The following GPAT3 variants were observed in gnomAD, a reference collection of about 807,000 sequenced individuals.
The protein encoded by GPAT3 is 1-AGP acyltransferase 9.
In GPAT3, 53 loss-of-function variants were observed where a neutral mutation model predicts 58.8. The ratio of observed to expected loss-of-function variants is 0.90; its 90% CI spans 0.72 to 1.13. The LOEUF is 1.13. GPAT3 is among the 50% of genes most tolerant of loss of function. The probability of loss-of-function intolerance (pLI) is 0.00; values close to 1 mark genes in which losing one functional copy is unlikely to be tolerated. For missense variants in GPAT3, 511 were observed against 527.6 expected (o/e 0.97, Z 0.31); for synonymous variants, 197 against 187.4 (o/e 1.05, Z -0.42).
intron 1 of GPAT3, among the ~76,000 whole-genome samples, chr4:83,537,589 A>ATGTGTGTGTGTGTG (rs1491311222): frequency 8.0e-6 from 1 of 125,392 alleles, no homozygotes; most frequent in African/African-American, 3.0e-5. Flanking sequence ...TATATGTATA[A>ATGTGTGTGTGTGTG]TATGTGTGTG....
chr4:83,561,799 T>A (rs1035278511), intron 2 of GPAT3, among the ~76,000 whole-genome samples: 3 of 150,066 alleles, frequency 2.0e-5, no homozygotes, highest in African/African-American at 7.5e-5. Flanking sequence ...TTTCCCCCCT[T>A]TTTTGGTAAA....
At chr4:83,598,208 C>G in intron 10 of GPAT3, 29 bp downstream of exon 10, 1 of 1,599,994 alleles carries the variant, frequency 6.3e-7, no homozygotes, top group Non-Finnish European at 8.5e-7. Flanking sequence ...TTTATCTAAT[C>G]AGGTAGAGGC....
chr4:83,597,234 A>G (rs1446475057), intron 8 of GPAT3, among the ~76,000 whole-genome samples, 196 bp from the exon 9 acceptor site: 1 of 152,202 alleles, frequency 6.6e-6, no homozygotes, highest in East Asian at 1.9e-4. Flanking sequence ...TAGAAAAGTA[A>G]AAGCTTGTTG....
chr4:83,576,195 T>C (rs1055990306), intron 2 of GPAT3, among the ~76,000 whole-genome samples: 2 of 152,216 alleles, frequency 1.3e-5, no homozygotes, highest in Non-Finnish European at 1.5e-5. Flanking sequence ...ATATATTCAC[T>C]GTATATATCT....
In GPAT3 at chr4:83,536,424, G is replaced by C; in HGVS notation, c.-199G>C. The C allele has an allele frequency of 7.2e-7, 1 of 1,379,754 alleles. No individual in the cohort carries two copies. The highest frequency in any genetic ancestry group is 9.4e-7 in the Non-Finnish European group (1 of 1,068,644). 85.5% of individuals were successfully genotyped at this position (1,379,754 alleles called of 1,614,324 possible). A position where few individuals can be genotyped will look rare whatever the true frequency, so the allele number is the denominator to read the frequency against. The stretch of plus-strand genomic sequence containing the variant: ...AGCGGAGAAAGAGTTAACTGGCAGG[G>C]GCGAGGAGGAGCCCAGGGAGGAAGG... On this transcript the variant is annotated 5_prime_UTR_variant, in exon 1 of 12. Coordinates refer to ENST00000264409, the MANE Select transcript of GPAT3 (RefSeq NM_032717.5).
chr4:83,578,376 T>C (rs183306108), intron 2 of GPAT3, among the ~76,000 whole-genome samples: 116 of 152,328 alleles, frequency 7.6e-4, no homozygotes, highest in African/African-American at 2.7e-3. Context: ...TTGAGTTATA[T>C]TTTATTTAAG....
At position 83,593,977 on chromosome 4, in the gene GPAT3, A is replaced by G. The variant is rs148384048; in HGVS notation, c.739-868A>G. Among the ~76,000 whole-genome samples the G allele has an allele frequency of 1.1e-3, 170 of 152,276 alleles. 1 individual carries two copies. The East Asian group carries it at 0.024, about 21-fold the overall frequency. Reference sequence around the variant, plus strand: ...TGCCACTACCTTCCATGTTCATTCCATCCCATTCCTTCCTACTCTTGTAGG... The same window carrying G: ...TGCCACTACCTTCCATGTTCATTCCGTCCCATTCCTTCCTACTCTTGTAGG... On this transcript the variant is annotated intron_variant, in intron 6 of 11. Transcript: ENST00000264409.
intron 2 of GPAT3, among the ~76,000 whole-genome samples, chr4:83,569,968 A>C (rs28504032): frequency 0.29 from 44,463 of 152,136 alleles, 7,418 homozygotes; most frequent in African/African-American, 0.45. Context: ...AATTAAAGTT[A>C]TCTTTCTTCC....
intron 2 of GPAT3, among the ~76,000 whole-genome samples, chr4:83,581,131 T>C (rs559896376): frequency 1.9e-4 from 29 of 151,936 alleles, no homozygotes; most frequent in Admixed American, 2.6e-4. Flanking sequence ...ATCAACTTTT[T>C]GCCATTTATG....
At chr4:83,539,613 G>T (rs1422188987) in intron 1 of GPAT3, among the ~76,000 whole-genome samples, 1 of 152,062 alleles carries the variant, frequency 6.6e-6, no homozygotes, top group Non-Finnish European at 1.5e-5. Flanking sequence ...TTAACCCACT[G>T]GTTCAAGTAA....
chr4:83,579,068 TTCTTTCTTTCTTC>T (rs1560621292), intron 2 of GPAT3, among the ~76,000 whole-genome samples: 502 of 39,204 alleles, frequency 0.013, 26 homozygotes, highest in Non-Finnish European at 0.017. Flanking sequence ...CTTTCTTTCT[TTCTTTCTTTCTTC>T]CCTTCCTTCC....
intron 2 of GPAT3, among the ~76,000 whole-genome samples, chr4:83,560,597 G>A (rs2110081405): frequency 6.6e-6 from 1 of 152,288 alleles, no homozygotes; most frequent in East Asian, 1.9e-4. Context: ...AGCACTCTAT[G>A]CAGAGGACAG....
intron 6 of GPAT3, among the ~76,000 whole-genome samples, chr4:83,591,361 A>G (rs1215559518): frequency 6.6e-6 from 1 of 152,184 alleles, no homozygotes. Flanking sequence ...ACATGGCCAG[A>G]TATATAACTC....
At chr4:83,559,931 G>C (rs948996015) in intron 2 of GPAT3, among the ~76,000 whole-genome samples, 2 of 152,182 alleles carry the variant, frequency 1.3e-5, no homozygotes, top group East Asian at 3.8e-4. Flanking sequence ...CTTGTGATTA[G>C]ACAGAATCCT....
At position 83,598,087 on chromosome 4, in the gene GPAT3, A is replaced by G. The variant is rs755703856; in HGVS notation, c.1033A>G (p.Ser345Gly). The G allele has an allele frequency of 5.9e-5, 95 of 1,613,530 alleles. No homozygotes were observed. Among genetic ancestry groups the G allele is most frequent in the Non-Finnish European group, 3.4e-6 (4 of 1,179,890 alleles). Residue 345 changes from serine to glycine, a missense_variant, in exon 10 of 12, where the codon AGT becomes GGT. Transcript: ENST00000264409. ...PQFGDAFWNS[S>G]KYNMVSYLLR... ...GTTCGGTGATGCATTTTGGAACAGT[A>G]GTAAATACAACATGGTGAGCTACCT... is the stretch of plus-strand genomic sequence containing the variant.
intron 11 of GPAT3, among the ~76,000 whole-genome samples, chr4:83,600,004 T>C (rs983628157): frequency 5.3e-5 from 8 of 152,306 alleles, no homozygotes; most frequent in South Asian, 2.1e-4. Context: ...GTGGTCTCTC[T>C]CTTTCTCAAA....
intron 5 of GPAT3, 47 bp downstream of exon 5, chr4:83,588,346 C>T (rs756230141): frequency 5.8e-6 from 9 of 1,544,010 alleles, no homozygotes; most frequent in Non-Finnish European, 8.0e-6. Flanking sequence ...GTCAATTCAG[C>T]ATGAGATTGA....
At chr4:83,562,180 T>A (rs541997422) in intron 2 of GPAT3, among the ~76,000 whole-genome samples, 13 of 28,648 alleles carry the variant, frequency 4.5e-4, no homozygotes, top group African/African-American at 1.3e-3. Context: ...TTTTATATAT[T>A]ATATATATAT....
intron 2 of GPAT3, among the ~76,000 whole-genome samples, chr4:83,559,884 C>T (rs1725071412): frequency 6.6e-6 from 1 of 152,076 alleles, no homozygotes; most frequent in Non-Finnish European, 1.5e-5. Flanking sequence ...TTGGCGAGAA[C>T]AGGATTTTGG....
Sources: allele counts gnomAD v4.1 joint callset (sites outside exome capture counted in the v4.1 genomes callset), GRCh38; gene constraint gnomAD v4.1.1; transcripts MANE v1.5; gene names NCBI Gene and HGNC (gene_info 2026-07-23, HGNC 2026-07-21).